TTC7A: variants seen among roughly 807,000 people sequenced by gnomAD.
TTC7A encodes the protein tetratricopeptide repeat domain 7A, also known as tetratricopeptide repeat protein 7A.
A neutral mutation model predicts 103.7 loss-of-function variants in TTC7A; 110 were observed. That is an observed-to-expected ratio of 1.06 (90% CI 0.91 to 1.24). The LOEUF (loss-of-function observed/expected upper bound fraction) is 1.24. Ranked by LOEUF, TTC7A falls within the 50% of genes most tolerant of loss-of-function variation. TTC7A has a pLI of 0.00. For synonymous variants in TTC7A, 521 were observed against 467.9 expected, an observed-to-expected ratio of 1.11 and a Z score of -1.47; for missense variants, 1,340 against 1,116.3, an observed-to-expected ratio of 1.20 and a Z score of -2.86.
intron 3 of TTC7A, among the ~76,000 whole-genome samples, chr2:46,965,888 G>A (rs920508635): frequency 6.6e-6 from 1 of 152,056 alleles, no homozygotes; most frequent in African/African-American, 2.4e-5. Flanking sequence ...TAACTCTGGA[G>A]AAGGGTTAAA....
intron 18 of TTC7A, among the ~76,000 whole-genome samples, chr2:47,056,884 C>T (rs1683366509): frequency 6.8e-6 from 1 of 146,532 alleles, no homozygotes; most frequent in Admixed American, 6.7e-5. Flanking sequence ...GCAGCAGGGG[C>T]ACCGTGTGCC....
At chr2:47,049,355 C>T (rs1452805527) in intron 16 of TTC7A, among the ~76,000 whole-genome samples, 1 of 152,028 alleles carries the variant, frequency 6.6e-6, no homozygotes, top group Non-Finnish European at 1.5e-5. Flanking sequence ...CCCCTCCCCC[C>T]CGCCAGCAGT....
At chr2:46,934,248 T>C (rs1388000695) in intron 2 of TTC7A, among the ~76,000 whole-genome samples, 1 of 152,208 alleles carries the variant, frequency 6.6e-6, no homozygotes, top group Non-Finnish European at 1.5e-5. Flanking sequence ...GAAGAAACCA[T>C]TTAAATGAAC....
Position 46,978,881 on chromosome 2 carries a change from C to G in TTC7A, c.738C>G (p.Ser246Arg). The G allele has an allele frequency of 6.2e-7, 1 of 1,614,014 alleles. No homozygotes were observed. Among genetic ancestry groups the G allele is most frequent in the African/African-American group, 1.3e-5 (1 of 75,022 alleles). The part of the protein sequence containing the change: ...LTYFLEAALQ[S>R]AYVKNLKKGN... Reference sequence around the variant, plus strand: ...ACTTCCTGGAAGCTGCCCTCCAGAGCGCCTATGTGAAAAACCTGAAGAAGG... The same window carrying G: ...ACTTCCTGGAAGCTGCCCTCCAGAGGGCCTATGTGAAAAACCTGAAGAAGG... The change falls in exon 5 of 20, where the codon AGC (serine) becomes AGG (arginine). Residue 246 changes from serine to arginine, a missense_variant. Transcript: ENST00000319190.
chr2:47,050,094 C>T (rs753619696), intron 17 of TTC7A, 48 bp downstream of exon 17: 5 of 1,480,190 alleles, frequency 3.4e-6, no homozygotes, highest in Non-Finnish European at 4.7e-6. Context: ...CCACAGCTCA[C>T]ACTCCCAGCT....
chr2:46,991,287 A>G (rs116187770), intron 5 of TTC7A, among the ~76,000 whole-genome samples: 1,847 of 152,132 alleles, frequency 0.012, 46 homozygotes, highest in African/African-American at 0.042. Flanking sequence ...AGTCCCTGGG[A>G]TACGGACGCT....
At chr2:47,008,662 C>T (rs1356971756) in intron 10 of TTC7A, among the ~76,000 whole-genome samples, 2 of 152,220 alleles carry the variant, frequency 1.3e-5, no homozygotes, top group Non-Finnish European at 1.5e-5. Flanking sequence ...CCCACCAAAT[C>T]AGTCTGCCTG....
chr2:46,989,844 C>CTG (rs953770996), intron 5 of TTC7A, among the ~76,000 whole-genome samples: 2 of 137,484 alleles, frequency 1.5e-5, no homozygotes, highest in Admixed American at 7.5e-5. Context: ...GTGTGTGCAT[C>CTG]TGTGTGTGTG....
rs1215620760 is a variant in TTC7A at position 47,021,935 on chromosome 2, G to T, written c.1466G>T (p.Gly489Val). ...GEEAGEFLPK[G>V]YLALGLTYSL... is the part of the protein sequence containing the mutation. The stretch of plus-strand genomic sequence containing the variant: ...GAAGCCGGGGAGTTCCTCCCCAAGG[G>T]CTACCTGGCTCTGGGTCTCACCTAT... The change falls in exon 12 of 20, where the codon GGC becomes GTC. Residue 489 changes from glycine (G) to valine (V), a missense_variant. Gly to Val is a moderately radical substitution (Grantham distance 109, BLOSUM62 -3). Coordinates refer to ENST00000319190, the MANE Select transcript of TTC7A (RefSeq NM_020458.4). 6.2e-7 allele frequency: 1 copy of T among 1,614,096 alleles called. No homozygotes were observed. The highest frequency in any genetic ancestry group is 1.7e-5 in the Admixed American group (1 of 60,014).
intron 2 of TTC7A, among the ~76,000 whole-genome samples, chr2:46,924,329 T>G (rs1429321539): frequency 6.6e-6 from 1 of 152,068 alleles, no homozygotes; most frequent in Non-Finnish European, 1.5e-5. Flanking sequence ...TCTTCCCTTC[T>G]CTCCACTAAG....
In TTC7A at chr2:46,941,746, GCT is replaced by G; in HGVS notation, c.184+23_184+24del. The G allele has an allele frequency of 2.6e-6, 4 of 1,547,826 alleles. No individual in the cohort carries two copies. Among genetic ancestry groups the G allele is most frequent in the Non-Finnish European group, 3.5e-6 (4 of 1,145,962 alleles). ...CACCGGTGAGTAAGGGAAGAGGCTG[GCT>G]CGCCGGCAGCGAGCGCGCGAAACGC... On this transcript the variant is annotated intron_variant, in intron 1 of 19. Coordinates refer to ENST00000319190, the MANE Select transcript of TTC7A (RefSeq NM_020458.4). The surrounding 1 kb of genome is among the most constrained non-coding windows in gnomAD (Gnocchi z 4.2).
At chr2:46,974,770 C>A (rs555276883) in intron 3 of TTC7A, 5 of 667,466 alleles carry the variant, frequency 7.5e-6, no homozygotes, top group African/African-American at 3.6e-5. Context: ...TGATTCCCCA[C>A]GTGCTGTCCC....
intron 15 of TTC7A, among the ~76,000 whole-genome samples, chr2:47,033,315 C>T (rs1176433999): frequency 6.6e-6 from 1 of 152,248 alleles, no homozygotes; most frequent in Non-Finnish European, 1.5e-5. Context: ...CCACAGGACA[C>T]TTAAAGTCAC....
intron 19 of TTC7A, among the ~76,000 whole-genome samples, chr2:47,070,540 G>T (rs1039703182): frequency 2.0e-5 from 3 of 152,192 alleles, no homozygotes. Context: ...TCAGCCTGGG[G>T]AGGGGCAGGA....
intron 6 of TTC7A, among the ~76,000 whole-genome samples, chr2:46,993,829 A>G (rs1046234157): frequency 5.3e-5 from 8 of 152,260 alleles, no homozygotes; most frequent in Non-Finnish European, 8.8e-5. Context: ...GTGCTATGCG[A>G]ACTTTTAGGG....
chr2:46,963,299 A>G (rs1672550787), intron 3 of TTC7A, among the ~76,000 whole-genome samples: 1 of 152,242 alleles, frequency 6.6e-6, no homozygotes, highest in African/African-American at 2.4e-5. Flanking sequence ...TTATTCGGAG[A>G]GGCTGCCAGG....
intron 15 of TTC7A, among the ~76,000 whole-genome samples, chr2:47,032,172 G>A (rs985638154): frequency 6.6e-6 from 1 of 152,228 alleles, no homozygotes; most frequent in African/African-American, 2.4e-5. Context: ...GCCCCCAGGA[G>A]GCCCAAGGGT....
intron 4 of TTC7A, among the ~76,000 whole-genome samples, chr2:46,977,891 G>A (rs1339316594): frequency 6.6e-6 from 1 of 152,154 alleles, no homozygotes; most frequent in Non-Finnish European, 1.5e-5. Context: ...TTTGACCTTA[G>A]ACATTTTCTG....
chr2:47,025,159 G>T (rs1679752208), intron 14 of TTC7A, among the ~76,000 whole-genome samples: 1 of 152,218 alleles, frequency 6.6e-6, no homozygotes, highest in South Asian at 2.1e-4. Context: ...CTCCAGGCCG[G>T]CGGAGGGAAG....
Sources: allele counts gnomAD v4.1 joint callset (sites outside exome capture counted in the v4.1 genomes callset), GRCh38; gene constraint gnomAD v4.1.1; non-coding constraint Gnocchi (gnomAD v3.1); transcripts MANE v1.5; gene names NCBI Gene and HGNC (gene_info 2026-07-23, HGNC 2026-07-21).